STYXL1: variants seen among roughly 807,000 people sequenced by gnomAD.
The protein encoded by STYXL1 is serine/threonine/tyrosine interacting like 1, also known as serine/threonine/tyrosine-interacting-like protein 1.
STYXL1 carries 32 observed loss-of-function variants against 36.4 expected under a neutral mutation model. That is an observed-to-expected ratio of 0.88 (90% CI 0.66 to 1.18). The LOEUF is 1.18. Ranked by LOEUF, STYXL1 falls within the 50% of genes most tolerant of loss-of-function variation. STYXL1 has a pLI of 0.00. For missense variants in STYXL1, 354 were observed against 394.1 expected, an observed-to-expected ratio of 0.90 and a Z score of 0.86; for synonymous variants, 133 against 144.1, an observed-to-expected ratio of 0.92 and a Z score of 0.55.
At position 76,039,232 on chromosome 7, in the gene STYXL1, G is replaced by A. The variant is rs969003822; in HGVS notation, c.-5+8430C>T. 9.3e-4 allele frequency among the ~76,000 whole-genome samples: 139 copies of A among 148,952 alleles called. 16 individuals carry two copies. Among genetic ancestry groups the A allele is most frequent in the African/African-American group, 3.3e-3 (126 of 38,568 alleles). On this transcript the variant is annotated intron_variant, in intron 1 of 8. Coordinates refer to ENST00000359697, the MANE Select transcript of STYXL1 (RefSeq NM_001317785.2). ...ATTACAGGCGTGAGTCACCGCACCC[G>A]GCCAACTAATTTTTTTTAGTTTCTG...
chr7:76,000,835 G>A (rs1790805963), intron 8 of STYXL1, 55 bp downstream of exon 8: 7 of 1,524,180 alleles, frequency 4.6e-6, no homozygotes, highest in Non-Finnish European at 6.4e-6. Flanking sequence ...GTTGCGCTCT[G>A]ACCTCACCTC....
chr7:76,039,192 T>C (rs1381181133), intron 1 of STYXL1, among the ~76,000 whole-genome samples: 1 of 149,350 alleles, frequency 6.7e-6, no homozygotes, highest in Non-Finnish European at 1.5e-5. Context: ...CGCCTTGGCA[T>C]CCCGAAGTGC....
At chr7:76,019,927 CAAAAA>C (rs58018497) in intron 4 of STYXL1, among the ~76,000 whole-genome samples, 3 of 82,340 alleles carry the variant, frequency 3.6e-5, no homozygotes, top group Non-Finnish European at 5.8e-5. Flanking sequence ...GACCCTGACT[CAAAAA>C]AAAAAAAAAA....
At chr7:76,040,383 C>A (rs926479651) in intron 1 of STYXL1, among the ~76,000 whole-genome samples, 1 of 152,178 alleles carries the variant, frequency 6.6e-6, no homozygotes, top group East Asian at 1.9e-4. Flanking sequence ...GGCTTCACTG[C>A]AGACTCAGAT....
chr7:76,019,216 T>C (rs1793748206), intron 4 of STYXL1, among the ~76,000 whole-genome samples: 1 of 151,942 alleles, frequency 6.6e-6, no homozygotes, highest in Non-Finnish European at 1.5e-5. Context: ...AGAAATAGTG[T>C]GTGGCAGACT....
Position 75,996,529 on chromosome 7 carries a change from A to C in STYXL1, c.881T>G (p.Leu294Arg). The change falls in exon 9 of 9, where the codon CTG (leucine) becomes CGG (arginine). Residue 294 changes from leucine to arginine, a missense_variant. By Grantham distance (102) the Leu-to-Arg change is moderately radical. Coordinates refer to ENST00000359697, the MANE Select transcript of STYXL1 (RefSeq NM_001317785.2). The part of the protein sequence containing the change: ...CPNRGLVSQL[L>R]EWEKTILGDS... ...TCCAAGGATAGTCTTCTCCCATTCC[A>C]GCAGCTGGCTCACCAATCCCCGATT... 1 of 1,614,216 alleles carries C rather than the reference A, an allele frequency of 6.2e-7. No individual in the cohort carries two copies. The highest frequency in any genetic ancestry group is 1.3e-5 in the African/African-American group (1 of 75,064).
chr7:76,009,612 T>C (rs1236463502), intron 5 of STYXL1, among the ~76,000 whole-genome samples: 2 of 152,332 alleles, frequency 1.3e-5, no homozygotes, highest in East Asian at 3.9e-4. Context: ...GGTTTCACCA[T>C]GTTGGCCAGA....
At chr7:75,996,724 A>T (rs1790180779) in intron 8 of STYXL1, 125 bp from the exon 9 acceptor site, 3 of 890,784 alleles carry the variant, frequency 3.4e-6, no homozygotes, top group South Asian at 1.6e-5. Flanking sequence ...TAAGGGCTGG[A>T]TGCAGAAACA....
At chr7:76,011,734 T>C (rs1304287051) in intron 5 of STYXL1, among the ~76,000 whole-genome samples, 1 of 152,250 alleles carries the variant, frequency 6.6e-6, no homozygotes, top group Admixed American at 6.5e-5. Flanking sequence ...GTGCTAGCCT[T>C]AGACAACTCC....
chr7:76,040,451 A>G (rs1796370077), intron 1 of STYXL1, among the ~76,000 whole-genome samples: 1 of 152,218 alleles, frequency 6.6e-6, no homozygotes, highest in South Asian at 2.1e-4. Context: ...TGCTGTGGCC[A>G]GTCCAACACC....
At chr7:76,021,340 C>T (rs1794044508) in intron 4 of STYXL1, among the ~76,000 whole-genome samples, 1 of 152,122 alleles carries the variant, frequency 6.6e-6, no homozygotes, top group Non-Finnish European at 1.5e-5. Flanking sequence ...CTCGGCCTCC[C>T]AAAGTGCTGG....
intron 1 of STYXL1, among the ~76,000 whole-genome samples, chr7:76,034,696 G>A (rs1255371224): frequency 6.6e-6 from 1 of 152,282 alleles, no homozygotes; most frequent in East Asian, 1.9e-4. Context: ...CTGCTATGTT[G>A]AGTGGCATCC....
rs60080805 is a variant in STYXL1 at position 76,008,199 on chromosome 7, CAAAAAAAAAAA to C, written c.454-2806_454-2796del. 2.7e-4 allele frequency among the ~76,000 whole-genome samples: 9 copies of C among 33,746 alleles called. No individual in the cohort carries two copies. In the South Asian group the frequency reaches 8.8e-3, roughly 33 times the overall value. 22.1% of individuals were successfully genotyped at this position (33,746 alleles called of 152,430 possible). On this transcript the variant is annotated intron_variant, in intron 5 of 8. Transcript: ENST00000359697. Reference sequence around the variant, plus strand: ...GGGCAACAAGAGCAAAACTCCATCTCAAAAAAAAAAAAAAAAAAAAAAAAAAAAAAATCTCA... The same window carrying C: ...GGGCAACAAGAGCAAAACTCCATCTCAAAAAAAAAAAAAAAAAAAATCTCA...
intron 1 of STYXL1, among the ~76,000 whole-genome samples, chr7:76,031,495 A>G (rs1554579324): frequency 6.6e-6 from 1 of 151,958 alleles, no homozygotes; most frequent in African/African-American, 2.4e-5. Flanking sequence ...TAGGTGGATC[A>G]CCTGAGGTCA....
intron 1 of STYXL1, among the ~76,000 whole-genome samples, chr7:76,036,646 T>A (rs761177088): frequency 6.1e-5 from 7 of 114,576 alleles, no homozygotes; most frequent in Non-Finnish European, 1.2e-4. Context: ...CTTTTCCATG[T>A]GAATTTTTTT....
At chr7:75,996,962 G>C (rs1470987851) in intron 8 of STYXL1, among the ~76,000 whole-genome samples, 1 of 152,246 alleles carries the variant, frequency 6.6e-6, no homozygotes, top group Non-Finnish European at 1.5e-5. Context: ...TTAATGGAAA[G>C]AGGAAGAGAA....
At chr7:76,021,813 G>A (rs113049233) in intron 4 of STYXL1, 38 bp downstream of exon 4, 45 of 1,501,506 alleles carry the variant, frequency 3.0e-5, no homozygotes, top group African/African-American at 1.4e-4. Context: ...TTCAATAGCC[G>A]TTAACTATTA....
At chr7:76,009,905 G>A (rs1401506201) in intron 5 of STYXL1, among the ~76,000 whole-genome samples, 1 of 152,108 alleles carries the variant, frequency 6.6e-6, no homozygotes, top group Non-Finnish European at 1.5e-5. Context: ...AACCCTCACA[G>A]CTACCCTAGC....
intron 5 of STYXL1, among the ~76,000 whole-genome samples, chr7:76,005,857 AGAG>A (rs1791630526): frequency 4.2e-5 from 1 of 23,780 alleles, no homozygotes; most frequent in East Asian, 9.9e-4. Flanking sequence ...AGAGAGGAGG[AGAG>A]AGGAGGAAGA....
Sources: allele counts gnomAD v4.1 joint callset (sites outside exome capture counted in the v4.1 genomes callset), GRCh38; gene constraint gnomAD v4.1.1; transcripts MANE v1.5; gene names NCBI Gene and HGNC (gene_info 2026-07-23, HGNC 2026-07-21).